The following B3GALT1 variants were observed in gnomAD, a reference collection of about 807,000 sequenced individuals.
B3GALT1 encodes the protein UDP-Gal:betaGlcNAc beta 1,3-galactosyltransferase, polypeptide 1.
Under a neutral mutation model 23.2 loss-of-function variants are expected in B3GALT1, and 10 were observed. That is an observed-to-expected ratio of 0.43 (90% CI 0.27 to 0.73). The LOEUF is 0.73. B3GALT1 is among the 30% of genes least tolerant of loss of function. B3GALT1 has a pLI of 0.21. For missense variants in B3GALT1, 299 were observed against 405.4 expected, an observed-to-expected ratio of 0.74 and a Z score of 2.25; for synonymous variants, 156 against 141.5, an observed-to-expected ratio of 1.10 and a Z score of -0.73.
chr2:167,860,420 TG>T, intron 4 of B3GALT1, among the ~76,000 whole-genome samples: 1 of 152,304 alleles, frequency 6.6e-6, no homozygotes, highest in Non-Finnish European at 1.5e-5. Context: ...CCCTTTTAGC[TG>T]GTTAATGTTG....
chr2:167,484,689 C>T (rs1413328529), intron 1 of B3GALT1, among the ~76,000 whole-genome samples: 1 of 151,906 alleles, frequency 6.6e-6, no homozygotes, highest in Non-Finnish European at 1.5e-5. Context: ...TCATAAGTGG[C>T]TACCCTTAGA....
chr2:167,601,697 A>C (rs866134874), intron 2 of B3GALT1, among the ~76,000 whole-genome samples: 2 of 152,212 alleles, frequency 1.3e-5, no homozygotes, highest in African/African-American at 4.8e-5. Context: ...AATGTATTAG[A>C]AAAAGCCCAT....
At chr2:167,347,309 A>G (rs905708548) in intron 1 of B3GALT1, among the ~76,000 whole-genome samples, 1 of 152,182 alleles carries the variant, frequency 6.6e-6, no homozygotes, top group African/African-American at 2.4e-5. Context: ...CACTTGCACT[A>G]GCTTAGAGCA....
intron 1 of B3GALT1, among the ~76,000 whole-genome samples, chr2:167,413,828 C>T (rs887878728): frequency 1.3e-5 from 2 of 151,654 alleles, no homozygotes; most frequent in Non-Finnish European, 2.9e-5. Context: ...ATCATTTTGC[C>T]TCAGTGTGAT....
intron 3 of B3GALT1, among the ~76,000 whole-genome samples, chr2:167,783,383 T>C (rs556415635): frequency 6.6e-6 from 1 of 152,248 alleles, no homozygotes; most frequent in South Asian, 2.1e-4. Context: ...ATGCAATTAT[T>C]ATTTCCTTGA....
intron 1 of B3GALT1, among the ~76,000 whole-genome samples, chr2:167,391,553 A>G (rs370788965): frequency 4.3e-4 from 65 of 152,320 alleles, no homozygotes; most frequent in Middle Eastern, 3.4e-3. Flanking sequence ...CTCATTAGGT[A>G]GGTATAATTT....
intron 3 of B3GALT1, among the ~76,000 whole-genome samples, chr2:167,665,696 G>C (rs1686165271): frequency 6.6e-6 from 1 of 152,182 alleles, no homozygotes; most frequent in African/African-American, 2.4e-5. Flanking sequence ...TCTTGGGAGA[G>C]TGTATGTGTC....
intron 2 of B3GALT1, among the ~76,000 whole-genome samples, chr2:167,500,253 T>C (rs1170893972): frequency 6.6e-6 from 1 of 152,158 alleles, no homozygotes; most frequent in Non-Finnish European, 1.5e-5. Context: ...GATGGGCTTA[T>C]TTATCGAGAC....
intron 4 of B3GALT1, among the ~76,000 whole-genome samples, chr2:167,867,137 A>G (rs900041913): frequency 4.7e-4 from 71 of 152,242 alleles, no homozygotes; most frequent in East Asian, 1.4e-3. Flanking sequence ...CGTTTTAGCC[A>G]GGATGGTCTC....
chr2:167,830,209 A>G (rs1364057743), intron 4 of B3GALT1, among the ~76,000 whole-genome samples: 2 of 152,064 alleles, frequency 1.3e-5, no homozygotes, highest in Admixed American at 1.3e-4. Context: ...AGCCCTCAAC[A>G]CTTGAGCAGC....
At chr2:167,296,628 CTT>C (rs1362397469) in intron 1 of B3GALT1, among the ~76,000 whole-genome samples, 4 of 152,152 alleles carry the variant, frequency 2.6e-5, no homozygotes, top group Admixed American at 2.6e-4. Context: ...TTCTCGTTCT[CTT>C]TACTAATCTA....
chr2:167,463,852 T>C (rs895204748), intron 1 of B3GALT1, among the ~76,000 whole-genome samples: 1 of 152,208 alleles, frequency 6.6e-6, no homozygotes, highest in Admixed American at 6.5e-5. Flanking sequence ...TGGTAATTCA[T>C]TGAAATTTTA....
At chr2:167,368,757 T>C (rs901178940) in intron 1 of B3GALT1, among the ~76,000 whole-genome samples, 4 of 152,216 alleles carry the variant, frequency 2.6e-5, no homozygotes, top group Non-Finnish European at 5.9e-5. Flanking sequence ...TCAAATGTTA[T>C]CCTTACCATG....
At chr2:167,755,291 G>GA (rs1260907051) in intron 3 of B3GALT1, among the ~76,000 whole-genome samples, 1 of 151,944 alleles carries the variant, frequency 6.6e-6, no homozygotes, top group Non-Finnish European at 1.5e-5. Context: ...AGGAGAGGAG[G>GA]AGAGAAAGAA....
At chr2:167,802,091 C>T (rs547314843) in intron 3 of B3GALT1, among the ~76,000 whole-genome samples, 1 of 152,268 alleles carries the variant, frequency 6.6e-6, no homozygotes, top group African/African-American at 2.4e-5. Flanking sequence ...GCAGCTGTGC[C>T]ACAGGGCACA....
intron 1 of B3GALT1, among the ~76,000 whole-genome samples, chr2:167,387,273 T>A (rs1697943547): frequency 1.3e-5 from 2 of 152,196 alleles, no homozygotes; most frequent in Non-Finnish European, 2.9e-5. Flanking sequence ...TTAGTTTTAT[T>A]ATTGCATTAA....
At chr2:167,714,515 G>T (rs191254056) in intron 3 of B3GALT1, 3 of 1,611,368 alleles carry the variant, frequency 1.9e-6, no homozygotes, top group Admixed American at 3.3e-5. Flanking sequence ...ACCATATGGC[G>T]AACGCTCTCT....
At chr2:167,407,994 C>G (rs1054233206) in intron 1 of B3GALT1, among the ~76,000 whole-genome samples, 1 of 149,656 alleles carries the variant, frequency 6.7e-6, no homozygotes, top group South Asian at 2.1e-4. Flanking sequence ...CAGCATTACC[C>G]TGATAACAAA....
At chr2:167,668,842 A>G (rs1686266167) in intron 3 of B3GALT1, among the ~76,000 whole-genome samples, 1 of 152,154 alleles carries the variant, frequency 6.6e-6, no homozygotes, top group Non-Finnish European at 1.5e-5. Context: ...ACCTGCGCCC[A>G]CTGTCTGGCA....
Sources: gnomAD v4.1 joint callset for allele counts (sites outside exome capture counted in the v4.1 genomes callset) on GRCh38, gnomAD v4.1.1 for gene constraint, MANE v1.5 for transcripts, NCBI Gene and HGNC (gene_info 2026-07-23, HGNC 2026-07-21) for gene names.